The following ALG14 variants were observed in gnomAD, a reference collection of about 807,000 sequenced individuals.
The protein encoded by ALG14 is ALG14 UDP-N-acetylglucosaminyltransferase subunit.
In ALG14, 17 loss-of-function variants were observed where a neutral mutation model predicts 22.8. That is an observed-to-expected ratio of 0.75 (90% confidence interval 0.51 to 1.12). ALG14 has a LOEUF of 1.12. Ranked by LOEUF, ALG14 falls within the 50% of genes most tolerant of loss-of-function variation. ALG14 has a pLI of 0.00. For synonymous variants in ALG14, 89 were observed against 103.7 expected, an observed-to-expected ratio of 0.86 and a Z score of 0.86; for missense variants, 288 against 271.8, an observed-to-expected ratio of 1.06 and a Z score of -0.42.
At chr1:95,043,786 A>G (rs74101999) in intron 2 of ALG14, among the ~76,000 whole-genome samples, 7,059 of 151,634 alleles carry the variant, frequency 0.047, 223 homozygotes, top group South Asian at 0.084. Context: ...GGAGGGGGAG[A>G]GAGGAGAGAG....
In ALG14 at chr1:94,976,304, G is replaced by C. The variant is rs1338497369; in HGVS notation, c.*6772C>G. 1.3e-5 allele frequency: 2 copies of C among 152,156 alleles called. No individual in the cohort carries two copies. The highest frequency in any genetic ancestry group is 2.9e-5 in the Non-Finnish European group (2 of 68,034). 9.4% of individuals were successfully genotyped at this position (152,156 alleles called of 1,614,324 possible). A position where few individuals can be genotyped will look rare whatever the true frequency, so the allele number is the denominator to read the frequency against. The stretch of plus-strand genomic sequence containing the variant: ...AAAAATTAGAGAACTTGGATACTAA[G>C]GTAGGAGTTTGGTGGCCCAAGTGAA... On this transcript the variant is annotated 3_prime_UTR_variant, in exon 4 of 4. Transcript: ENST00000370205.
chr1:95,054,420 T>C (rs1396272950), intron 2 of ALG14, among the ~76,000 whole-genome samples: 1 of 152,198 alleles, frequency 6.6e-6, no homozygotes, highest in Non-Finnish European at 1.5e-5. Flanking sequence ...GCCATGATTG[T>C]AAGCTTCCTG....
At position 95,032,550 on chromosome 1, in the gene ALG14, T is replaced by C. The variant is rs367894111; in HGVS notation, c.289-5290A>G. On this transcript the variant is annotated intron_variant, in intron 2 of 3. Transcript: ENST00000370205. ...AGGTGAAAAGCCTCTGTGGGTCCTC[T>C]TTCCAAAAAATAGGACCATGAGAGA... 1.1e-4 allele frequency among the ~76,000 whole-genome samples: 17 copies of C among 152,198 alleles called. No individual in the cohort carries two copies. In the East Asian group the frequency reaches 1.3e-3, roughly 12 times the overall value.
chr1:95,060,129 A>AC (rs1675087309), intron 2 of ALG14, among the ~76,000 whole-genome samples: 1 of 142,942 alleles, frequency 7.0e-6, no homozygotes, highest in African/African-American at 2.6e-5. Context: ...TACACACACA[A>AC]ACACACACAC....
chr1:95,012,760 A>C (rs937433518), intron 3 of ALG14, among the ~76,000 whole-genome samples: 4 of 152,216 alleles, frequency 2.6e-5, no homozygotes, highest in African/African-American at 9.6e-5. Flanking sequence ...AGAAATTATA[A>C]GTTCAAAACT....
intron 2 of ALG14, among the ~76,000 whole-genome samples, chr1:95,055,547 G>A (rs1168182390): frequency 6.6e-6 from 1 of 151,260 alleles, no homozygotes; most frequent in East Asian, 1.9e-4. Context: ...GAGAGAGAGA[G>A]ATGAAGTTTC....
At chr1:94,999,778 GAAAC>G (rs1673009708) in intron 3 of ALG14, among the ~76,000 whole-genome samples, 1 of 152,080 alleles carries the variant, frequency 6.6e-6, no homozygotes, top group African/African-American at 2.4e-5. Flanking sequence ...TTAACTTTAG[GAAAC>G]AGCTCTCCTA....
chr1:95,062,634 C>A (rs1262382694), intron 2 of ALG14, among the ~76,000 whole-genome samples: 2 of 152,210 alleles, frequency 1.3e-5, no homozygotes, highest in African/African-American at 4.8e-5. Context: ...TGATCTTGTT[C>A]CTTTTTATTG....
At chr1:95,054,568 T>C (rs1674868395) in intron 2 of ALG14, among the ~76,000 whole-genome samples, 1 of 152,172 alleles carries the variant, frequency 6.6e-6, no homozygotes, top group Non-Finnish European at 1.5e-5. Flanking sequence ...AATACAATTA[T>C]GAAAATATTT....
rs1434287085 is a variant in ALG14, at chr1:94,983,273, T to A, written c.454A>T (p.Ile152Phe). ...CCAAGGAGAAGGGCAGATACACAGA[T>A]AGGAACACATGTTCCTGGTCCGTTA... ...LCNGPGTCVP[I>F]CVSALLLGIL... The change falls in exon 4 of 4, where the codon ATC (isoleucine) becomes TTC (phenylalanine). Residue 152 changes from isoleucine to phenylalanine, a missense_variant. Physicochemically the swap from Ile to Phe is conservative, Grantham distance 21 (BLOSUM62 0). Transcript: ENST00000370205. 1 of 1,614,134 alleles carries A rather than the reference T, an allele frequency of 6.2e-7. No homozygotes were observed. The highest frequency in any genetic ancestry group is 1.3e-5 in the African/African-American group (1 of 75,020).
intron 2 of ALG14, among the ~76,000 whole-genome samples, chr1:95,057,733 G>T (rs1039815351): frequency 6.6e-6 from 1 of 151,296 alleles, no homozygotes; most frequent in African/African-American, 2.4e-5. Context: ...GAAGAAAATG[G>T]TCCTAAATTG....
intron 2 of ALG14, among the ~76,000 whole-genome samples, chr1:95,050,628 C>T (rs933456111): frequency 1.3e-5 from 2 of 152,146 alleles, no homozygotes; most frequent in African/African-American, 4.8e-5. Flanking sequence ...GAAAAGGGAA[C>T]AGGCAGCCTG....
chr1:94,989,996 G>A (rs1457315782), intron 3 of ALG14, among the ~76,000 whole-genome samples: 2 of 152,150 alleles, frequency 1.3e-5, no homozygotes, highest in African/African-American at 4.8e-5. Context: ...GTCAGACAGG[G>A]CAAAACATGG....
chr1:95,014,893 T>C (rs1303732036), intron 3 of ALG14, among the ~76,000 whole-genome samples: 1 of 152,158 alleles, frequency 6.6e-6, no homozygotes, highest in East Asian at 1.9e-4. Context: ...GTTTAAGAAT[T>C]AAGTGAGCAT....
At position 95,018,365 on chromosome 1, in the gene ALG14, G is replaced by A. The variant is rs192114714; in HGVS notation, c.420+8764C>T. Among the ~76,000 whole-genome samples, 460 of 151,900 alleles carry A rather than the reference G, an allele frequency of 3.0e-3. 1 individual carries two copies. The highest frequency in any genetic ancestry group is 0.011 in the African/African-American group (443 of 41,434). On this transcript the variant is annotated intron_variant, in intron 3 of 3. Transcript: ENST00000370205. ...AGCCTGGCCAACATGGTGAAACCCC[G>A]CCTCTACTGAAAATAAAAAAATTAG...
intron 3 of ALG14, among the ~76,000 whole-genome samples, chr1:95,020,760 A>AC: frequency 6.6e-6 from 1 of 151,912 alleles, no homozygotes; most frequent in Non-Finnish European, 1.5e-5. Context: ...ACAAAACAAA[A>AC]AACCCCACAA....
At chr1:95,018,411 C>T (rs1163938151) in intron 3 of ALG14, among the ~76,000 whole-genome samples, 1 of 151,966 alleles carries the variant, frequency 6.6e-6, no homozygotes, top group African/African-American at 2.4e-5. Context: ...TGGCACACTC[C>T]TGTAATCCCT....
At chr1:95,042,961 T>A (rs962345068) in intron 2 of ALG14, among the ~76,000 whole-genome samples, 10 of 152,220 alleles carry the variant, frequency 6.6e-5, no homozygotes, top group Admixed American at 1.3e-4. Flanking sequence ...GTTTTCCTTA[T>A]GCTTTTAATC....
At chr1:95,015,987 G>C (rs1016153446) in intron 3 of ALG14, among the ~76,000 whole-genome samples, 29 of 152,174 alleles carry the variant, frequency 1.9e-4, no homozygotes, top group African/African-American at 5.8e-4. Context: ...TACCATGGGG[G>C]CTTCTTATGC....
Sources: allele counts gnomAD v4.1 joint callset (sites outside exome capture counted in the v4.1 genomes callset), GRCh38; gene constraint gnomAD v4.1.1; transcripts MANE v1.5; gene names NCBI Gene and HGNC (gene_info 2026-07-23, HGNC 2026-07-21).